INTS6L: variants seen among roughly 807,000 people sequenced by gnomAD.
The protein encoded by INTS6L is integrator complex subunit 6-like.
INTS6L carries 18 observed loss-of-function variants against 64.7 expected under a neutral mutation model. The ratio of observed to expected loss-of-function variants is 0.28; its 90% CI spans 0.19 to 0.41. The LOEUF (loss-of-function observed/expected upper bound fraction) is 0.41, where lower values mean the gene tolerates loss of function less well. Among genes scored for constraint, INTS6L ranks in the 10% least tolerant of loss-of-function variants. The probability of loss-of-function intolerance (pLI) is 1.00; values close to 1 mark genes in which losing one functional copy is unlikely to be tolerated. For synonymous variants in INTS6L, 227 were observed against 235.9 expected, an observed-to-expected ratio of 0.96 and a Z score of 0.34; for missense variants, 533 against 661.0, an observed-to-expected ratio of 0.81 and a Z score of 2.12.
intron 2 of INTS6L, among the ~76,000 whole-genome samples, chrX:135,539,372 C>T (rs936353664): frequency 8.9e-5 from 10 of 112,046 alleles, no homozygotes; most frequent in African/African-American, 3.2e-4. Flanking sequence ...TTCCTCACCT[C>T]TCTCAGCCTT....
At chrX:135,569,231 G>T (rs2087029034) in intron 9 of INTS6L, 106 bp from the exon 10 acceptor site, 4 of 406,493 alleles carry the variant, frequency 9.8e-6, no homozygotes, top group South Asian at 1.0e-4. Flanking sequence ...AAACGCCAAT[G>T]AAATTTTCAT....
At chrX:135,576,577 A>G (rs782425437) in intron 14 of INTS6L, among the ~76,000 whole-genome samples, 1 of 111,347 alleles carries the variant, frequency 9.0e-6, no homozygotes, top group African/African-American at 3.3e-5. Context: ...AAATTTCTAT[A>G]CTGCTGCCTC....
At chrX:135,531,846 C>T (rs886577923) in intron 2 of INTS6L, among the ~76,000 whole-genome samples, 3 of 111,744 alleles carry the variant, frequency 2.7e-5, no homozygotes, top group African/African-American at 9.8e-5. Context: ...ATTCCTGATG[C>T]CAGCCCTTAG....
rs997492460 is a variant in INTS6L, at chrX:135,520,850, G to A, written c.-143G>A. 5.2e-6 allele frequency: 3 copies of A among 573,880 alleles called. No homozygotes were observed. Among genetic ancestry groups the A allele is most frequent in the Non-Finnish European group, 8.5e-6 (3 of 353,450 alleles). The allele number at this position is 573,880 out of a possible 1,213,427, so 47.3% of individuals were successfully genotyped here. On this transcript the variant is annotated 5_prime_UTR_variant, in exon 1 of 18. Coordinates refer to ENST00000639893, the MANE Select transcript of INTS6L (RefSeq NM_001351601.3). ...GAGGAGGCCAGGAGCGGTCCCATCCGTCCCGTCCCGTCCCGTCTCCCCCTC... is the reference window on the plus strand; with the variant it reads ...GAGGAGGCCAGGAGCGGTCCCATCCATCCCGTCCCGTCCCGTCTCCCCCTC...
intron 9 of INTS6L, among the ~76,000 whole-genome samples, 193 bp from the exon 10 acceptor site, chrX:135,569,144 A>G (rs1049064833): frequency 2.7e-5 from 3 of 111,899 alleles, no homozygotes; most frequent in African/African-American, 9.7e-5. Context: ...GTAACTTAAG[A>G]ATTTATTTCA....
At position 135,572,937 on chromosome X, in the gene INTS6L, A is replaced by G. The variant is rs2087128852; in HGVS notation, c.1521A>G (p.Arg507=). 1 of 1,209,751 alleles carries G rather than the reference A, an allele frequency of 8.3e-7. No homozygotes were observed. Among genetic ancestry groups the G allele is most frequent in the Non-Finnish European group, 1.1e-6 (1 of 894,910 alleles). ...GMSLTHNKNF[R]KLLKEITGET... Reference sequence around the variant, plus strand: ...CCTTGACTCACAATAAAAATTTTAGAAAACTATTGAAAGAAATCACAGGGG... The same window carrying G: ...CCTTGACTCACAATAAAAATTTTAGGAAACTATTGAAAGAAATCACAGGGG... The change falls in exon 12 of 18, where the codon AGA becomes AGG. Residue 507 remains arginine (R), a synonymous_variant. Coordinates refer to ENST00000639893, the MANE Select transcript of INTS6L (RefSeq NM_001351601.3).
At chrX:135,521,383 C>T (rs2085547673) in intron 2 of INTS6L, 65 bp downstream of exon 2, 9 of 1,087,284 alleles carry the variant, frequency 8.3e-6, no homozygotes, top group East Asian at 3.3e-5. Flanking sequence ...GCTGCTTACC[C>T]CCCTGCCCCC....
rs1225531841 is a variant in INTS6L, at chrX:135,569,284, A to T, written c.1193-53A>T. On this transcript the variant is annotated intron_variant, in intron 9 of 17. Transcript: ENST00000639893. ...GTTTCTAGATGTGGGTTGCTTGATT[A>T]TATCTTAGAGCTCAGGACTAGAATG... The T allele has an allele frequency of 3.7e-6, 3 of 820,283 alleles. No individual in the cohort carries two copies. The African/African-American group carries it at 6.4e-5, about 17-fold the overall frequency. The allele number at this position is 820,283 out of a possible 1,213,427, so 67.6% of individuals were successfully genotyped here.
chrX:135,581,876 T>A lies in INTS6L; in HGVS notation c.*240T>A, dbSNP rs1556534834. On this transcript the variant is annotated 3_prime_UTR_variant, in exon 18 of 18. Transcript: ENST00000639893. ...CCTCAATTGAGGAAGCTGATGTTAT[T>A]AATTCACAGGCTAAATTCGGTAAAC... 1 of 301,060 alleles carries A rather than the reference T, an allele frequency of 3.3e-6. No individual in the cohort carries two copies. Among genetic ancestry groups the A allele is most frequent in the Non-Finnish European group, 5.8e-6 (1 of 172,425 alleles). The allele number at this position is 301,060 out of a possible 1,213,427, so 24.8% of individuals were successfully genotyped here.
chrX:135,567,976 G>A (rs1556525610), intron 9 of INTS6L, among the ~76,000 whole-genome samples: 1 of 111,229 alleles, frequency 9.0e-6, no homozygotes, highest in East Asian at 2.8e-4. Context: ...TTATGCATGT[G>A]GGATAGGGAT....
chrX:135,535,325 C>G (rs2086025596), intron 2 of INTS6L, among the ~76,000 whole-genome samples: 1 of 112,286 alleles, frequency 8.9e-6, no homozygotes, highest in East Asian at 2.8e-4. Context: ...GGTGATTCAG[C>G]TGTCACAGTG....
chrX:135,570,369 A>T, intron 10 of INTS6L, 67 bp from the exon 11 acceptor site: 1 of 1,017,705 alleles, frequency 9.8e-7, no homozygotes, highest in South Asian at 2.4e-5. Context: ...TTTGCCCCTT[A>T]TAACTGAACT....
rs1470716678 is a variant in INTS6L at position 135,537,044 on chromosome X, C to A, written c.190-8379C>A. Among the ~76,000 whole-genome samples the A allele has an allele frequency of 2.7e-5, 3 of 112,172 alleles. No homozygotes were observed. In the East Asian group the frequency reaches 8.4e-4, roughly 31 times the overall value. On this transcript the variant is annotated intron_variant, in intron 2 of 17. Coordinates refer to ENST00000639893, the MANE Select transcript of INTS6L (RefSeq NM_001351601.3). Reference sequence around the variant, plus strand: ...CAAAAGAGCTTCAGCAACAGGCCTGCAGAGAGCATGCCAGTTTCCTGTTTG... The same window carrying A: ...CAAAAGAGCTTCAGCAACAGGCCTGAAGAGAGCATGCCAGTTTCCTGTTTG...
In INTS6L at chrX:135,540,794, T is replaced by C. The variant is rs782795353; in HGVS notation, c.190-4629T>C. On this transcript the variant is annotated intron_variant, in intron 2 of 17. Coordinates refer to ENST00000639893, the MANE Select transcript of INTS6L (RefSeq NM_001351601.3). ...TTTTTTGAGACAGGGCCTGGTTCTG[T>C]CACCCAGGCTGGAGTGCAGTGGCAT... is the stretch of plus-strand genomic sequence containing the variant. Among the ~76,000 whole-genome samples, 70 of 106,482 alleles carry C rather than the reference T, an allele frequency of 6.6e-4. 1 individual carries two copies. Among genetic ancestry groups the C allele is most frequent in the African/African-American group, 2.4e-3 (70 of 29,097 alleles). The allele number at this position is 106,482 out of a possible 115,157, so 92.5% of individuals were successfully genotyped here. A position where few individuals can be genotyped will look rare whatever the true frequency, so the allele number is the denominator to read the frequency against.
At chrX:135,567,246 G>A (rs782356923) in intron 9 of INTS6L, among the ~76,000 whole-genome samples, 26 of 111,595 alleles carry the variant, frequency 2.3e-4, no homozygotes, top group Non-Finnish European at 4.5e-4. Flanking sequence ...AGAAAATACC[G>A]GTCATTTTTG....
intron 9 of INTS6L, among the ~76,000 whole-genome samples, chrX:135,559,379 A>G (rs782119556): frequency 8.9e-6 from 1 of 112,271 alleles, no homozygotes; most frequent in African/African-American, 3.2e-5. Context: ...TGTTATATAA[A>G]TGGAACCATT....
chrX:135,561,056 G>A (rs1046294054), intron 9 of INTS6L, among the ~76,000 whole-genome samples: 2 of 102,191 alleles, frequency 2.0e-5, no homozygotes, highest in African/African-American at 7.1e-5. Context: ...GGGTTCAAGC[G>A]ATTCTCATGC....
At chrX:135,570,579 C>T in intron 11 of INTS6L, 33 bp downstream of exon 11, 1 of 1,147,115 alleles carries the variant, frequency 8.7e-7, no homozygotes, top group African/African-American at 1.8e-5. Flanking sequence ...AACAAAAATC[C>T]TTTGCCCTCA....
chrX:135,541,865 G>A (rs1309967005), intron 2 of INTS6L, among the ~76,000 whole-genome samples: 1 of 112,209 alleles, frequency 8.9e-6, no homozygotes, highest in Non-Finnish European at 1.9e-5. Context: ...TTAACTCTAA[G>A]CAATGAATGG....
Sources: allele counts gnomAD v4.1 joint callset (sites outside exome capture counted in the v4.1 genomes callset), GRCh38; gene constraint gnomAD v4.1.1; transcripts MANE v1.5; gene names NCBI Gene and HGNC (gene_info 2026-07-23, HGNC 2026-07-21).